Variants in ULK4 observed in about 807,000 individuals in gnomAD.
ULK4 encodes the protein inactive serine/threonine-protein kinase ULK4.
In ULK4, 133 loss-of-function variants were observed where a neutral mutation model predicts 160.6. The observed-to-expected ratio is 0.83, with a 90% CI of 0.72 to 0.96. The LOEUF is 0.96. ULK4 is among the 40% of genes least tolerant of loss of function. The pLI is 0.00. For synonymous variants in ULK4, 534 were observed against 539.8 expected (o/e 0.99, Z 0.15); for missense variants, 1,580 against 1,499.5 (o/e 1.05, Z -0.89).
At chr3:41,879,402 A>C (rs1441606179) in intron 17 of ULK4, among the ~76,000 whole-genome samples, 1 of 152,202 alleles carries the variant, frequency 6.6e-6, no homozygotes, top group Non-Finnish European at 1.5e-5. Context: ...ACACAAGATG[A>C]AACAAGATTA....
chr3:41,718,734 T>C (rs2037353829), intron 22 of ULK4, among the ~76,000 whole-genome samples: 1 of 152,188 alleles, frequency 6.6e-6, no homozygotes, highest in Admixed American at 6.5e-5. Flanking sequence ...CAGGAAGAAC[T>C]TCCAACCAAT....
chr3:41,472,634 T>C (rs1177720975), intron 32 of ULK4, among the ~76,000 whole-genome samples: 1 of 150,666 alleles, frequency 6.6e-6, no homozygotes, highest in South Asian at 2.1e-4. Flanking sequence ...TAGTAAAAAG[T>C]CTTCCGTCAA....
intron 29 of ULK4, among the ~76,000 whole-genome samples, chr3:41,671,692 A>G (rs1452792494): frequency 6.6e-6 from 1 of 152,150 alleles, no homozygotes; most frequent in Non-Finnish European, 1.5e-5. Context: ...CATCAAAAGC[A>G]CAGGCAACAT....
At chr3:41,557,476 T>C (rs574603151) in intron 32 of ULK4, among the ~76,000 whole-genome samples, 3 of 152,056 alleles carry the variant, frequency 2.0e-5, no homozygotes, top group African/African-American at 7.2e-5. Flanking sequence ...AAACAACAGA[T>C]TGCGGCCAGG....
At chr3:41,611,801 T>C (rs1004294338) in intron 31 of ULK4, among the ~76,000 whole-genome samples, 5 of 152,138 alleles carry the variant, frequency 3.3e-5, no homozygotes, top group African/African-American at 1.2e-4. Context: ...AGAGCATAAA[T>C]TATTTGCAAA....
At chr3:41,922,999 C>G (rs896950347) in intron 5 of ULK4, among the ~76,000 whole-genome samples, 3 of 151,416 alleles carry the variant, frequency 2.0e-5, no homozygotes, top group Admixed American at 1.3e-4. Flanking sequence ...TAGTGAAACC[C>G]CGTCTCTATT....
intron 30 of ULK4, among the ~76,000 whole-genome samples, chr3:41,655,222 T>C (rs2034888283): frequency 6.6e-6 from 1 of 151,986 alleles, no homozygotes; most frequent in African/African-American, 2.4e-5. Context: ...TTCATGTCCT[T>C]TGCAGGGACA....
At chr3:41,801,550 TAA>T (rs2040460451) in intron 19 of ULK4, among the ~76,000 whole-genome samples, 1 of 143,774 alleles carries the variant, frequency 7.0e-6, no homozygotes, top group Admixed American at 6.8e-5. Flanking sequence ...AAAAAAGGAA[TAA>T]AGAGAAAACC....
chr3:41,530,401 C>A (rs77878443), intron 32 of ULK4, among the ~76,000 whole-genome samples: 2,710 of 152,192 alleles, frequency 0.018, 86 homozygotes, highest in African/African-American at 0.063. Flanking sequence ...GCACTGGGCC[C>A]TTATGTCATG....
chr3:41,780,868 T>C (rs915527842), intron 21 of ULK4, among the ~76,000 whole-genome samples: 1 of 152,094 alleles, frequency 6.6e-6, no homozygotes, highest in African/African-American at 2.4e-5. Context: ...GTTGGTCTTA[T>C]CGGGTTCCCA....
intron 22 of ULK4, among the ~76,000 whole-genome samples, chr3:41,751,493 T>C (rs2038625673): frequency 6.6e-6 from 1 of 152,172 alleles, no homozygotes; most frequent in African/African-American, 2.4e-5. Context: ...ACCCTCTCTC[T>C]ACACTCATCC....
At chr3:41,794,708 C>CCT (rs1035324363) in intron 20 of ULK4, among the ~76,000 whole-genome samples, 3 of 98,182 alleles carry the variant, frequency 3.1e-5, no homozygotes, top group Non-Finnish European at 6.3e-5. Flanking sequence ...AAACCACAAA[C>CCT]CTGTGTATAA....
chr3:41,667,349 G>T (rs1234452733), intron 29 of ULK4, among the ~76,000 whole-genome samples: 1 of 151,898 alleles, frequency 6.6e-6, no homozygotes, highest in Non-Finnish European at 1.5e-5. Flanking sequence ...AAAAATGAAG[G>T]GCAAAATTCA....
At chr3:41,598,784 TAGTA>T (rs2031863362) in intron 31 of ULK4, among the ~76,000 whole-genome samples, 2 of 152,188 alleles carry the variant, frequency 1.3e-5, no homozygotes, top group Non-Finnish European at 1.5e-5. Context: ...ATAAAAAGAA[TAGTA>T]AGTGGTATTA....
intron 34 of ULK4, among the ~76,000 whole-genome samples, chr3:41,411,741 A>G (rs896666479): frequency 2.0e-5 from 3 of 152,048 alleles, no homozygotes; most frequent in Non-Finnish European, 4.4e-5. Flanking sequence ...CAACCTTTCT[A>G]TTGATAATAA....
intron 25 of ULK4, among the ~76,000 whole-genome samples, chr3:41,712,976 T>A (rs2037154981): frequency 6.6e-6 from 1 of 151,928 alleles, no homozygotes; most frequent in African/African-American, 2.4e-5. Flanking sequence ...CTTCCCTATG[T>A]CACCAGAACC....
intron 32 of ULK4, among the ~76,000 whole-genome samples, chr3:41,538,019 G>A (rs1248434309): frequency 6.6e-6 from 1 of 151,586 alleles, no homozygotes; most frequent in Non-Finnish European, 1.5e-5. Flanking sequence ...AATGGTGCCT[G>A]GGAACTCATC....
At chr3:41,869,595 A>G (rs1453393741) in intron 17 of ULK4, among the ~76,000 whole-genome samples, 1 of 152,134 alleles carries the variant, frequency 6.6e-6, no homozygotes, top group Non-Finnish European at 1.5e-5. Context: ...ACACTCACAT[A>G]TACAATATAT....
chr3:41,868,667 A>AT (rs148042640), intron 17 of ULK4, among the ~76,000 whole-genome samples: 34 of 148,524 alleles, frequency 2.3e-4, no homozygotes, highest in Non-Finnish European at 3.4e-4. Flanking sequence ...TTTTTTTTGT[A>AT]TTTTTTTTTT....
Sources: allele counts gnomAD v4.1 joint callset (sites outside exome capture counted in the v4.1 genomes callset), GRCh38; gene constraint gnomAD v4.1.1; transcripts MANE v1.5; gene names NCBI Gene and HGNC (gene_info 2026-07-23, HGNC 2026-07-21).